The following EML6 variants were observed in gnomAD, a reference collection of about 807,000 sequenced individuals.
The protein encoded by EML6 is EMAP like 6.
A neutral mutation model predicts 240.1 loss-of-function variants in EML6; 154 were observed. The observed-to-expected ratio is 0.64, with a 90% CI of 0.56 to 0.73. The LOEUF (loss-of-function observed/expected upper bound fraction) is 0.73. Among genes scored for constraint, EML6 ranks in the 30% least tolerant of loss-of-function variants. EML6 has a pLI of 0.00. For missense variants in EML6, 2,964 were observed against 2,474.6 expected (o/e 1.20, Z -4.20); for synonymous variants, 1,148 against 899.0 (o/e 1.28, Z -4.95).
In EML6 at chr2:54,971,114, G is replaced by A. The variant is rs1676975104; in HGVS notation, c.*1019G>A. 1 of 152,168 alleles carries A rather than the reference G, an allele frequency of 6.6e-6. No homozygotes were observed. The allele number at this position is 152,168 out of a possible 1,614,324, so 9.4% of individuals were successfully genotyped here. On this transcript the variant is annotated 3_prime_UTR_variant, in exon 42 of 42. Transcript: ENST00000356458. ...GTGTACCACCCTGAGTGGAGTTGAG[G>A]TGACTTCATTTGATTGCTTCAGGCG...
At chr2:54,867,586 T>G (rs1275346290) in intron 14 of EML6, 1 of 152,144 alleles carries the variant, frequency 6.6e-6, no homozygotes, top group Non-Finnish European at 1.5e-5. Flanking sequence ...AAATCTCATC[T>G]CTACAAAAAA....
rs1217388479 is a variant in EML6 at position 54,892,471 on chromosome 2, A to G, written c.2557A>G (p.Lys853Glu). 7.7e-6 allele frequency: 12 copies of G among 1,551,142 alleles called. No homozygotes were observed. The Admixed American group carries it at 9.8e-5, about 13-fold the overall frequency. ...CACTCTAGGTGGGGGCTTCACTTCTAAAAGAGGAACTTTTGGAAGCGTTGG... is the reference window on the plus strand; with the variant it reads ...CACTCTAGGTGGGGGCTTCACTTCTGAAAGAGGAACTTTTGGAAGCGTTGG... ...WQQAGGGFTSKRGTFGSVGKL... is the reference protein window; with the variant it reads ...WQQAGGGFTSERGTFGSVGKL... The change falls in exon 19 of 42, where the codon AAA (lysine) becomes GAA (glutamate). Residue 853 changes from lysine (K) to glutamate (E), a missense_variant. Coordinates refer to ENST00000356458, the MANE Select transcript of EML6 (RefSeq NM_001039753.4).
chr2:54,761,134 T>C (rs1667962975), intron 2 of EML6, among the ~76,000 whole-genome samples: 1 of 152,132 alleles, frequency 6.6e-6, no homozygotes, highest in Non-Finnish European at 1.5e-5. Flanking sequence ...CTCTCATCAT[T>C]GTTGAGAAAT....
At position 54,897,110 on chromosome 2, in the gene EML6, A is replaced by G. The variant is rs144688238; in HGVS notation, c.2982+1710A>G. Among the ~76,000 whole-genome samples, 238 of 152,158 alleles carry G rather than the reference A, an allele frequency of 1.6e-3. 1 individual carries two copies. Among genetic ancestry groups the G allele is most frequent in the African/African-American group, 5.5e-3 (228 of 41,502 alleles). On this transcript the variant is annotated intron_variant, in intron 21 of 41. Transcript: ENST00000356458. ...GTATTTATTTACTTTTTAATCTCCA[A>G]ATGTTTGAGAATGTAAATTGTTTCC...
chr2:54,818,271 T>C (rs1304867476), intron 4 of EML6, among the ~76,000 whole-genome samples: 1 of 152,196 alleles, frequency 6.6e-6, no homozygotes, highest in African/African-American at 2.4e-5. Flanking sequence ...TGTTAAATTA[T>C]TACTGTTAAA....
chr2:54,763,577 C>G (rs1051684366), intron 2 of EML6, among the ~76,000 whole-genome samples: 2 of 152,076 alleles, frequency 1.3e-5, no homozygotes, highest in African/African-American at 2.4e-5. Context: ...CAGTGTTTGG[C>G]TAGGTGCATT....
chr2:54,950,646 G>T lies in EML6; in HGVS notation c.4084-4G>T, dbSNP rs773015611. Reference sequence around the variant, plus strand: ...GTCACATTGATCTGTGTGTGTGAATGCAGGAGCTGGCTCTAGACCACGTGT... The same window carrying T: ...GTCACATTGATCTGTGTGTGTGAATTCAGGAGCTGGCTCTAGACCACGTGT... On this transcript the variant is annotated splice_polypyrimidine_tract_variant and splice_region_variant and intron_variant, in intron 29 of 41. Transcript: ENST00000356458. 1 of 1,551,616 alleles carries T rather than the reference G, an allele frequency of 6.4e-7. No homozygotes were observed. The highest frequency in any genetic ancestry group is 2.0e-5 in the Admixed American group (1 of 51,010).
rs1667900187 is a variant in EML6, at chr2:54,812,523, G to T, written c.198-709G>T. On this transcript the variant is annotated intron_variant, in intron 2 of 41. Transcript: ENST00000356458. ...TACACAATGAATTTAAAACATTAGG[G>T]TGATTTTTTTTTTTTAATCTAGGAA... Among the ~76,000 whole-genome samples, 3 of 51,958 alleles carry T rather than the reference G, an allele frequency of 5.8e-5. No homozygotes were observed. The South Asian group carries it at 1.5e-3, about 27-fold the overall frequency. 34.1% of individuals were successfully genotyped at this position (51,958 alleles called of 152,430 possible). A position where few individuals can be genotyped will look rare whatever the true frequency, so the allele number is the denominator to read the frequency against.
intron 7 of EML6, among the ~76,000 whole-genome samples, chr2:54,831,918 G>C (rs900031031): frequency 5.3e-5 from 8 of 152,256 alleles, no homozygotes; most frequent in Middle Eastern, 6.8e-3. Context: ...ACTCTTAATT[G>C]CTTAGTATTT....
chr2:54,838,655 A>T (rs1326411408), intron 7 of EML6, among the ~76,000 whole-genome samples: 2 of 152,210 alleles, frequency 1.3e-5, no homozygotes, highest in African/African-American at 4.8e-5. Flanking sequence ...CTGAGTATAA[A>T]ATCAGGGCCA....
intron 24 of EML6, among the ~76,000 whole-genome samples, chr2:54,908,887 C>T (rs1299656645): frequency 1.3e-5 from 2 of 152,072 alleles, no homozygotes; most frequent in African/African-American, 4.8e-5. Flanking sequence ...TAAACATGAC[C>T]GCGGGGGCAG....
intron 9 of EML6, among the ~76,000 whole-genome samples, chr2:54,849,301 A>G (rs1335446106): frequency 6.6e-6 from 1 of 152,192 alleles, no homozygotes; most frequent in Admixed American, 6.5e-5. Context: ...CCATTTGGAA[A>G]TATCTGATAG....
At chr2:54,921,790 C>T (rs1273111665) in intron 26 of EML6, among the ~76,000 whole-genome samples, 1 of 151,968 alleles carries the variant, frequency 6.6e-6, no homozygotes, top group African/African-American at 2.4e-5. Context: ...TTATATAGTC[C>T]ATCTTTGACA....
At chr2:54,845,979 G>T (rs17345646) in intron 8 of EML6, among the ~76,000 whole-genome samples, 3,149 of 152,292 alleles carry the variant, frequency 0.021, 46 homozygotes, top group South Asian at 0.034. Flanking sequence ...CACCCAACAT[G>T]TAAAGCCTTA....
chr2:54,895,984 G>C (rs1293236570), intron 21 of EML6, among the ~76,000 whole-genome samples: 1 of 152,200 alleles, frequency 6.6e-6, no homozygotes. Context: ...GCCATATGCT[G>C]TTGGTTAGAA....
intron 10 of EML6, among the ~76,000 whole-genome samples, chr2:54,850,568 T>A (rs1670023466): frequency 7.6e-6 from 1 of 132,196 alleles, no homozygotes; most frequent in Non-Finnish European, 1.7e-5. Flanking sequence ...TGCCTAAGGA[T>A]AAGAGCAAGG....
intron 2 of EML6, among the ~76,000 whole-genome samples, chr2:54,795,493 C>G (rs991941957): frequency 1.3e-5 from 2 of 152,092 alleles, no homozygotes; most frequent in African/African-American, 4.8e-5. Flanking sequence ...CAGTGAGTCT[C>G]ATCAAATACA....
Position 54,777,343 on chromosome 2 carries a change from A to T in EML6, c.198-35889A>T, listed in dbSNP as rs371126301. On this transcript the variant is annotated intron_variant, in intron 2 of 41. Transcript: ENST00000356458. ...CCAGCTGCTCTGCAGGATATCATTT[A>T]GTTGAGCGTCCTGATGGCTTCTTGA... Among the ~76,000 whole-genome samples the T allele has an allele frequency of 2.4e-4, 37 of 152,310 alleles. 2 individuals carry two copies. The East Asian group carries it at 7.1e-3, about 29-fold the overall frequency.
At chr2:54,870,695 T>C (rs1009062371) in intron 15 of EML6, among the ~76,000 whole-genome samples, 5 of 152,226 alleles carry the variant, frequency 3.3e-5, no homozygotes, top group Non-Finnish European at 7.3e-5. Context: ...AGAGGTGTTT[T>C]TTTTTTACAT....
Sources: allele counts gnomAD v4.1 joint callset (sites outside exome capture counted in the v4.1 genomes callset), GRCh38; gene constraint gnomAD v4.1.1; transcripts MANE v1.5; gene names NCBI Gene and HGNC (gene_info 2026-07-23, HGNC 2026-07-21).